LIMCH1: variants seen among roughly 807,000 people sequenced by gnomAD.
LIMCH1 encodes the protein LIM and calponin homology domains-containing protein 1.
Under a neutral mutation model 176.5 loss-of-function variants are expected in LIMCH1, and 113 were observed. The observed-to-expected ratio is 0.64, with a 90% CI of 0.55 to 0.75. The LOEUF (loss-of-function observed/expected upper bound fraction) is 0.75. LIMCH1 is among the 30% of genes least tolerant of loss of function. LIMCH1 has a pLI of 0.00. For missense variants in LIMCH1, 1,674 were observed against 1,814.9 expected (o/e 0.92, Z 1.41); for synonymous variants, 619 against 645.9 (o/e 0.96, Z 0.63).
At chr4:41,670,287 A>G (rs975465031) in intron 21 of LIMCH1, among the ~76,000 whole-genome samples, 7 of 152,224 alleles carry the variant, frequency 4.6e-5, no homozygotes, top group South Asian at 2.1e-4. Context: ...ACAGACTTCT[A>G]TACATAACCT....
rs1443946708 is a variant in LIMCH1, at chr4:41,440,597, A to G, written c.97-53939A>G. Among the ~76,000 whole-genome samples the G allele has an allele frequency of 2.6e-5, 4 of 152,252 alleles. No homozygotes were observed. The South Asian group carries it at 6.2e-4, about 24-fold the overall frequency. On this transcript the variant is annotated intron_variant, in intron 1 of 26. Coordinates refer to the LIMCH1 transcript ENST00000313860. ...TCCCAGGCTGGAGTGCAGTGGCGCA[A>G]TCTTGGCTTACTGCAACCTCCACCT...
chr4:41,475,699 C>T (rs895975029), intron 1 of LIMCH1, among the ~76,000 whole-genome samples: 3 of 151,768 alleles, frequency 2.0e-5, no homozygotes, highest in Non-Finnish European at 4.4e-5. Context: ...AACATCACAC[C>T]CTGGGGCCTG....
intron 2 of LIMCH1, among the ~76,000 whole-genome samples, chr4:41,498,623 T>C (rs1484720834): frequency 1.3e-5 from 2 of 152,198 alleles, no homozygotes; most frequent in African/African-American, 2.4e-5. Context: ...GTTAGAAATA[T>C]CAATCATATA....
At chr4:41,558,235 G>A (rs1360798771) in intron 1 of LIMCH1, among the ~76,000 whole-genome samples, 1 of 151,716 alleles carries the variant, frequency 6.6e-6, no homozygotes. Flanking sequence ...CATAAAAACT[G>A]ATACCAACAT....
At chr4:41,403,646 G>A (rs1269873510) in intron 1 of LIMCH1, among the ~76,000 whole-genome samples, 1 of 152,162 alleles carries the variant, frequency 6.6e-6, no homozygotes, top group African/African-American at 2.4e-5. Flanking sequence ...TTACTCTCCA[G>A]TAATAACTTT....
intron 1 of LIMCH1, among the ~76,000 whole-genome samples, chr4:41,390,045 A>T (rs1045249814): frequency 2.7e-5 from 4 of 148,834 alleles, no homozygotes; most frequent in African/African-American, 9.8e-5. Context: ...CAGCAGCACC[A>T]TTTTTTTTTT....
chr4:41,453,111 A>C (rs1420304361), intron 1 of LIMCH1, among the ~76,000 whole-genome samples: 1 of 152,200 alleles, frequency 6.6e-6, no homozygotes, highest in African/African-American at 2.4e-5. Flanking sequence ...GTGCTCTAGA[A>C]GGACTGCAGC....
At chr4:41,661,577 T>G in intron 19 of LIMCH1, 67 bp downstream of exon 19, 1 of 1,174,072 alleles carries the variant, frequency 8.5e-7, no homozygotes. Context: ...ATGGAAATAG[T>G]CAAGAATTTT....
chr4:41,541,117 T>C (rs1407685599), intron 1 of LIMCH1, among the ~76,000 whole-genome samples: 1 of 152,188 alleles, frequency 6.6e-6, no homozygotes, highest in African/African-American at 2.4e-5. Flanking sequence ...GGGCATTGGA[T>C]TGAACCATGA....
At chr4:41,610,329 C>G (rs1303833782) in intron 4 of LIMCH1, among the ~76,000 whole-genome samples, 1 of 152,166 alleles carries the variant, frequency 6.6e-6, no homozygotes, top group Non-Finnish European at 1.5e-5. Flanking sequence ...GTAGCTGTGT[C>G]ATTTCCAGAT....
chr4:41,590,475 T>C (rs1195653509), intron 1 of LIMCH1, among the ~76,000 whole-genome samples: 4 of 152,038 alleles, frequency 2.6e-5, no homozygotes, highest in Non-Finnish European at 5.9e-5. Context: ...AAAACAAAGC[T>C]AGGATCCCAG....
intron 31 of LIMCH1, among the ~76,000 whole-genome samples, chr4:41,696,623 A>G (rs1332789894): frequency 1.3e-5 from 2 of 152,188 alleles, no homozygotes; most frequent in African/African-American, 4.8e-5. Context: ...CAAATATCAT[A>G]TGGATATGCT....
intron 1 of LIMCH1, among the ~76,000 whole-genome samples, chr4:41,476,111 C>T (rs1031305115): frequency 2.6e-5 from 4 of 152,098 alleles, no homozygotes; most frequent in African/African-American, 9.7e-5. Context: ...TGCTGGGATT[C>T]CAGACATGAG....
At chr4:41,434,290 C>T (rs1348429817) in intron 1 of LIMCH1, among the ~76,000 whole-genome samples, 1 of 152,130 alleles carries the variant, frequency 6.6e-6, no homozygotes, top group Non-Finnish European at 1.5e-5. Context: ...AAGGCCCTGG[C>T]CACCAGCTGT....
chr4:41,665,695 G>A (rs763398289), intron 20 of LIMCH1, among the ~76,000 whole-genome samples: 14 of 152,068 alleles, frequency 9.2e-5, no homozygotes, highest in Non-Finnish European at 1.5e-4. Context: ...ATACAGCCAC[G>A]CTCCTCATTC....
upstream of LIMCH1, chr4:41,360,671 G>T (rs931424159): frequency 3.0e-6 from 1 of 334,766 alleles, no homozygotes; most frequent in Non-Finnish European, 5.3e-6. This position sits in a 1 kb window ranked among gnomAD's most constrained non-coding sequence, Gnocchi z 4.5. Context: ...AACAGCTGCC[G>T]CGGCGTCCTC....
At chr4:41,654,715 A>C (rs1033484633) in intron 18 of LIMCH1, among the ~76,000 whole-genome samples, 1 of 152,170 alleles carries the variant, frequency 6.6e-6, no homozygotes, top group African/African-American at 2.4e-5. Context: ...CACACCAGAA[A>C]GGGCAGAATC....
intron 26 of LIMCH1, 78 bp from the exon 27 acceptor site, chr4:41,684,319 C>T: frequency 1.5e-6 from 2 of 1,320,522 alleles, no homozygotes; most frequent in East Asian, 4.7e-5. Context: ...GTACTCCCAT[C>T]CTTTAAGTTA....
chr4:41,382,412 C>T (rs1216274354), intron 1 of LIMCH1, among the ~76,000 whole-genome samples: 2 of 151,658 alleles, frequency 1.3e-5, no homozygotes, highest in African/African-American at 4.8e-5. Flanking sequence ...GGGGTGCTGT[C>T]AGAGGTTTTA....
Sources: allele counts gnomAD v4.1 joint callset (sites outside exome capture counted in the v4.1 genomes callset), GRCh38; gene constraint gnomAD v4.1.1; non-coding constraint Gnocchi (gnomAD v3.1); transcripts MANE v1.5; gene names NCBI Gene and HGNC (gene_info 2026-07-23, HGNC 2026-07-21).